Variants in MAPKAP1 observed in about 807,000 individuals in gnomAD.
MAPKAP1 encodes the protein MAPK associated protein 1, also known as target of rapamycin complex 2 subunit MAPKAP1.
A neutral mutation model predicts 65.7 loss-of-function variants in MAPKAP1; 20 were observed. The observed-to-expected ratio is 0.30, with a 90% CI of 0.21 to 0.44. The LOEUF (loss-of-function observed/expected upper bound fraction) is 0.44. Ranked by LOEUF, MAPKAP1 falls within the 20% of genes least tolerant of loss-of-function variation. MAPKAP1 has a pLI of 1.00. For missense variants in MAPKAP1, 423 were observed against 648.0 expected, an observed-to-expected ratio of 0.65 and a Z score of 3.77; for synonymous variants, 222 against 244.3, an observed-to-expected ratio of 0.91 and a Z score of 0.85.
intron 4 of MAPKAP1, among the ~76,000 whole-genome samples, chr9:125,622,603 G>A (rs970404334): frequency 6.6e-6 from 1 of 151,760 alleles, no homozygotes; most frequent in Non-Finnish European, 1.5e-5. Flanking sequence ...GCACCACCAT[G>A]CCTGGCTAAT....
intron 7 of MAPKAP1, among the ~76,000 whole-genome samples, chr9:125,523,025 T>C (rs1351472070): frequency 6.6e-6 from 1 of 152,220 alleles, no homozygotes; most frequent in Admixed American, 6.5e-5. Context: ...AGTCCCAGAC[T>C]GGCCTCCTTC....
intron 6 of MAPKAP1, among the ~76,000 whole-genome samples, chr9:125,555,454 C>T (rs1395200186): frequency 6.6e-6 from 1 of 152,068 alleles, no homozygotes. Context: ...TGCTGCCGCA[C>T]TTAGAGGGAA....
intron 4 of MAPKAP1, among the ~76,000 whole-genome samples, chr9:125,654,380 C>A (rs1833974338): frequency 6.6e-6 from 1 of 152,196 alleles, no homozygotes; most frequent in Non-Finnish European, 1.5e-5. Flanking sequence ...CTGACCAAAG[C>A]ATGCCCTAAA....
chr9:125,564,160 T>C (rs1442816564), intron 5 of MAPKAP1, among the ~76,000 whole-genome samples: 1 of 152,200 alleles, frequency 6.6e-6, no homozygotes, highest in African/African-American at 2.4e-5. Context: ...AATTCAAGAC[T>C]AGAGGAGAAG....
chr9:125,621,940 A>G (rs781392823), intron 4 of MAPKAP1, among the ~76,000 whole-genome samples: 3 of 152,262 alleles, frequency 2.0e-5, no homozygotes, highest in Non-Finnish European at 2.9e-5. Context: ...ACAATGGAAT[A>G]CTATTGTCAT....
chr9:125,475,042 C>T (rs1320914494), intron 9 of MAPKAP1, among the ~76,000 whole-genome samples: 2 of 152,210 alleles, frequency 1.3e-5, no homozygotes, highest in African/African-American at 4.8e-5. Flanking sequence ...TCTGAATTTA[C>T]ACACAAGATC....
chr9:125,569,081 T>A (rs1181181992), intron 5 of MAPKAP1, among the ~76,000 whole-genome samples: 1 of 152,194 alleles, frequency 6.6e-6, no homozygotes, highest in South Asian at 2.1e-4. Context: ...TAAGCCCACT[T>A]TTCCAGACAA....
chr9:125,498,034 A>C (rs1349558076), intron 8 of MAPKAP1, among the ~76,000 whole-genome samples: 1 of 152,184 alleles, frequency 6.6e-6, no homozygotes, highest in Non-Finnish European at 1.5e-5. Context: ...GTAATGTTAC[A>C]TCCTCCCCAT....
chr9:125,469,574 G>T (rs1853820459), intron 9 of MAPKAP1, among the ~76,000 whole-genome samples: 1 of 152,178 alleles, frequency 6.6e-6, no homozygotes, highest in Non-Finnish European at 1.5e-5. Context: ...TGCCTCCAGG[G>T]GAGACAATGC....
chr9:125,640,560 T>C (rs781698188), intron 4 of MAPKAP1, among the ~76,000 whole-genome samples: 51 of 152,146 alleles, frequency 3.4e-4, no homozygotes, highest in Non-Finnish European at 6.0e-4. Flanking sequence ...AGTATTCTCA[T>C]AAAGCAAACC....
intron 6 of MAPKAP1, among the ~76,000 whole-genome samples, chr9:125,543,937 G>A (rs924171723): frequency 2.6e-5 from 4 of 152,126 alleles, no homozygotes; most frequent in East Asian, 1.9e-4. Flanking sequence ...ATGTGGGGCC[G>A]CAGGGCAGTA....
intron 7 of MAPKAP1, among the ~76,000 whole-genome samples, chr9:125,519,666 A>C (rs949233389): frequency 1.4e-5 from 2 of 147,772 alleles, no homozygotes; most frequent in Admixed American, 6.8e-5. Context: ...ATATATATAT[A>C]TATATAATTT....
At chr9:125,575,221 G>A (rs1050659062) in intron 5 of MAPKAP1, among the ~76,000 whole-genome samples, 5 of 152,194 alleles carry the variant, frequency 3.3e-5, no homozygotes, top group Admixed American at 2.6e-4. Flanking sequence ...AATTAGCCAA[G>A]TGTAGGGACA....
At chr9:125,693,731 A>ATATATACACG (rs1835284239) in intron 1 of MAPKAP1, among the ~76,000 whole-genome samples, 2 of 138,260 alleles carry the variant, frequency 1.4e-5, no homozygotes, top group African/African-American at 6.5e-5. Flanking sequence ...GTATATACAC[A>ATATATACACG]TATATACACG....
chr9:125,499,861 C>T (rs897996626), intron 8 of MAPKAP1, among the ~76,000 whole-genome samples: 2 of 151,820 alleles, frequency 1.3e-5, no homozygotes, highest in African/African-American at 4.8e-5. Flanking sequence ...GTAGTGTGTG[C>T]CCGTAATCAT....
intron 1 of MAPKAP1, among the ~76,000 whole-genome samples, chr9:125,691,261 AAAAACAAAACAAAAC>A (rs370495455): frequency 6.6e-6 from 1 of 152,128 alleles, no homozygotes; most frequent in Non-Finnish European, 1.5e-5. Context: ...ACTCCGTCTC[AAAAACAAAACAAAAC>A]AAAACAAAAC....
chr9:125,645,443 A>C (rs1833696669), intron 4 of MAPKAP1, among the ~76,000 whole-genome samples: 1 of 152,228 alleles, frequency 6.6e-6, no homozygotes, highest in Admixed American at 6.5e-5. Context: ...TTACTTAAAA[A>C]GATACCAAAT....
In MAPKAP1 at chr9:125,460,359, C is replaced by G. The variant is rs142455261; in HGVS notation, c.1345+7613G>C. Among the ~76,000 whole-genome samples the G allele has an allele frequency of 3.2e-3, 485 of 151,462 alleles. 1 individual carries two copies. The highest frequency in any genetic ancestry group is 0.011 in the African/African-American group (463 of 41,368). On this transcript the variant is annotated intron_variant, in intron 10 of 11. Coordinates refer to ENST00000265960, the MANE Select transcript of MAPKAP1 (RefSeq NM_001006617.3). ...AAATGTTTTCTACTCTAACAAATAT[C>G]AATATTCCAATCAACACAAATTTTC... is the stretch of plus-strand genomic sequence containing the variant.
At chr9:125,650,294 C>A (rs1381281563) in intron 4 of MAPKAP1, 1 of 152,218 alleles carries the variant, frequency 6.6e-6, no homozygotes, top group East Asian at 1.9e-4. Flanking sequence ...TACCTCACCT[C>A]CCCATTTAAA....
Sources: gnomAD v4.1 joint callset for allele counts (sites outside exome capture counted in the v4.1 genomes callset) on GRCh38, gnomAD v4.1.1 for gene constraint, MANE v1.5 for transcripts, NCBI Gene and HGNC (gene_info 2026-07-23, HGNC 2026-07-21) for gene names.